Variants in APBB2 observed in about 807,000 individuals in gnomAD.
The protein encoded by APBB2 is amyloid beta precursor protein binding family B member 2, also known as Fe65-like 1.
In APBB2, 38 loss-of-function variants were observed where a neutral mutation model predicts 82.5. The observed-to-expected ratio is 0.46, with a 90% CI of 0.36 to 0.60. The LOEUF is 0.60. Among genes scored for constraint, APBB2 ranks in the 20% least tolerant of loss-of-function variants. The pLI is 0.00. For missense variants in APBB2, 772 were observed against 972.3 expected, an observed-to-expected ratio of 0.79 and a Z score of 2.74; for synonymous variants, 341 against 368.2, an observed-to-expected ratio of 0.93 and a Z score of 0.85.
In APBB2 at chr4:40,953,844, C is replaced by T. The variant is rs558148430; in HGVS notation, c.836-8771G>A. Among the ~76,000 whole-genome samples, 19 of 152,292 alleles carry T rather than the reference C, an allele frequency of 1.2e-4. 1 individual carries two copies. The highest frequency in any genetic ancestry group is 4.3e-4 in the African/African-American group (18 of 41,566). ...AGCCATCGGTGTCCTTTCAAAGGGG[C>T]TCTGCGGCTCTTCGTAATTTGTGCT... is the stretch of plus-strand genomic sequence containing the variant. On this transcript the variant is annotated intron_variant, in intron 6 of 17. Transcript: ENST00000508593.
intron 12 of APBB2, among the ~76,000 whole-genome samples, chr4:40,850,055 CTT>C (rs1758844125): frequency 6.6e-6 from 1 of 152,130 alleles, no homozygotes; most frequent in African/African-American, 2.4e-5. Context: ...CAGTTTGTCT[CTT>C]TGTTTCAGCA....
At chr4:41,097,699 G>A (rs1246446205) in intron 3 of APBB2, among the ~76,000 whole-genome samples, 1 of 151,988 alleles carries the variant, frequency 6.6e-6, no homozygotes, top group Non-Finnish European at 1.5e-5. Context: ...TGAAGGTACG[G>A]TTATATTTTA....
intron 4 of APBB2, among the ~76,000 whole-genome samples, chr4:41,057,668 G>A (rs1728298950): frequency 6.6e-6 from 1 of 152,184 alleles, no homozygotes; most frequent in Admixed American, 6.5e-5. Flanking sequence ...AAGGTCAGCA[G>A]AGTTCACTTC....
At chr4:40,914,687 T>C (rs1214735329) in intron 10 of APBB2, among the ~76,000 whole-genome samples, 1 of 152,260 alleles carries the variant, frequency 6.6e-6, no homozygotes, top group Non-Finnish European at 1.5e-5. Flanking sequence ...CCTAACTCTG[T>C]ATTTCCTCTA....
rs879654603 is a variant in APBB2, at chr4:41,098,191, A to AT, written c.-149+2447dup. 3.6e-3 allele frequency among the ~76,000 whole-genome samples: 536 copies of AT among 146,898 alleles called. 3 individuals are homozygous for AT. Among genetic ancestry groups the AT allele is most frequent in the African/African-American group, 0.012 (497 of 40,286 alleles). The stretch of plus-strand genomic sequence containing the variant: ...TGTAACATCAACTTTATTTTTACTA[A>AT]TTTTTTTTTTTAGAGTCAGGATCTC... On this transcript the variant is annotated intron_variant, in intron 3 of 17. Coordinates refer to ENST00000508593, the MANE Select transcript of APBB2 (RefSeq NM_004307.2).
At chr4:41,120,046 G>A (rs914171943) in intron 2 of APBB2, among the ~76,000 whole-genome samples, 2 of 152,128 alleles carry the variant, frequency 1.3e-5, no homozygotes, top group Non-Finnish European at 2.9e-5. Flanking sequence ...TTATATAGAT[G>A]AGGAAAACGG....
intron 6 of APBB2, among the ~76,000 whole-genome samples, chr4:40,979,696 G>A (rs1481051362): frequency 1.3e-5 from 2 of 152,150 alleles, no homozygotes; most frequent in Non-Finnish European, 2.9e-5. Context: ...GATGGAAAGT[G>A]AGCCTGGCTT....
chr4:41,016,789 T>A (rs941253732), intron 5 of APBB2, among the ~76,000 whole-genome samples: 1 of 151,920 alleles, frequency 6.6e-6, no homozygotes, highest in Non-Finnish European at 1.5e-5. Flanking sequence ...AGAGGCTGAA[T>A]AGAAAAGGAC....
At chr4:41,153,710 A>G (rs1762816548) in intron 1 of APBB2, among the ~76,000 whole-genome samples, 1 of 152,192 alleles carries the variant, frequency 6.6e-6, no homozygotes, top group Non-Finnish European at 1.5e-5. Flanking sequence ...AGGAAAGTGG[A>G]GGAATTGAGT....
chr4:41,162,933 T>G (rs558288174), intron 1 of APBB2, among the ~76,000 whole-genome samples: 2 of 152,314 alleles, frequency 1.3e-5, no homozygotes, highest in South Asian at 4.1e-4. Context: ...GGGCAAGGTG[T>G]GTGGAATAAC....
chr4:41,050,123 AT>A (rs1376754614), intron 4 of APBB2, among the ~76,000 whole-genome samples: 7 of 132,846 alleles, frequency 5.3e-5, no homozygotes, highest in East Asian at 3.8e-4. Flanking sequence ...ATAAAAAAAA[AT>A]AAAAATAAAA....
chr4:40,982,216 AGAAAG>A (rs1342536404), intron 6 of APBB2, among the ~76,000 whole-genome samples: 303 of 5,554 alleles, frequency 0.055, 25 homozygotes, highest in African/African-American at 0.07. Context: ...AAGAAAGAAA[AGAAAG>A]GAAAGAAAGA....
At chr4:40,877,623 G>C (rs1010554507) in intron 12 of APBB2, among the ~76,000 whole-genome samples, 1 of 152,166 alleles carries the variant, frequency 6.6e-6, no homozygotes, top group Non-Finnish European at 1.5e-5. Context: ...TAAAATTCCT[G>C]CAAACTCATC....
intron 13 of APBB2, among the ~76,000 whole-genome samples, chr4:40,828,103 A>G (rs766680389): frequency 6.6e-6 from 1 of 152,148 alleles, no homozygotes; most frequent in Non-Finnish European, 1.5e-5. Flanking sequence ...TGGAACTGTG[A>G]GTTCATTAAA....
rs1377674130 is a variant in APBB2, at chr4:40,814,557, C to G, written c.*1535G>C. 2 of 152,190 alleles carry G rather than the reference C, an allele frequency of 1.3e-5. No homozygotes were observed. The highest frequency in any genetic ancestry group is 4.8e-5 in the African/African-American group (2 of 41,436). 9.4% of individuals were successfully genotyped at this position (152,190 alleles called of 1,614,324 possible). On this transcript the variant is annotated 3_prime_UTR_variant, in exon 18 of 18. Coordinates refer to ENST00000508593, the MANE Select transcript of APBB2 (RefSeq NM_004307.2). ...TTAGTACCTTCTCTACCTGGTAAGG[C>G]TCAGATGTGATAAGAATGTGGAAAC...
In APBB2 at chr4:41,082,356, C is replaced by T. The variant is rs536187782; in HGVS notation, c.-148-16683G>A. Among the ~76,000 whole-genome samples the T allele has an allele frequency of 1.4e-3, 207 of 152,188 alleles. 1 individual carries two copies. The highest frequency in any genetic ancestry group is 0.012 in the South Asian group (56 of 4,824). ...CACTATGCAACAAAATATCAAACAT[C>T]GGGGGGTGTCCTATTTAACTTTGAT... On this transcript the variant is annotated intron_variant, in intron 3 of 17. Transcript: ENST00000508593.
chr4:41,015,238 G>A (rs887352764), intron 5 of APBB2, among the ~76,000 whole-genome samples: 5 of 152,280 alleles, frequency 3.3e-5, no homozygotes, highest in South Asian at 2.1e-4. Context: ...TGTTTGCGCC[G>A]TTAGTGATTT....
intron 12 of APBB2, among the ~76,000 whole-genome samples, chr4:40,865,744 AAAC>A (rs1439267775): frequency 2.6e-5 from 4 of 152,242 alleles, no homozygotes; most frequent in African/African-American, 9.6e-5. Context: ...ATAAGAAAAC[AAAC>A]AACACAATTT....
At chr4:40,919,473 T>A (rs924731596) in intron 10 of APBB2, among the ~76,000 whole-genome samples, 1 of 152,240 alleles carries the variant, frequency 6.6e-6, no homozygotes, top group Non-Finnish European at 1.5e-5. Context: ...CATTTCCCAC[T>A]TTAAATTTCT....
Sources: gnomAD v4.1 joint callset for allele counts (sites outside exome capture counted in the v4.1 genomes callset) on GRCh38, gnomAD v4.1.1 for gene constraint, MANE v1.5 for transcripts, NCBI Gene and HGNC (gene_info 2026-07-23, HGNC 2026-07-21) for gene names.